The following CSMD3 variants were observed in gnomAD, a reference collection of about 807,000 sequenced individuals.
CSMD3 encodes the protein CUB and Sushi multiple domains 3.
In CSMD3, 177 loss-of-function variants were observed where a neutral mutation model predicts 435.2. The ratio of observed to expected loss-of-function variants is 0.41; its 90% CI spans 0.36 to 0.46. The LOEUF is 0.46. Among genes scored for constraint, CSMD3 ranks in the 20% least tolerant of loss-of-function variants. The pLI, the probability that CSMD3 is intolerant of heterozygous loss-of-function variation, is 0.34. For synonymous variants in CSMD3, 1,656 were observed against 1,520.5 expected (o/e 1.09, Z -2.07); for missense variants, 4,265 against 4,504.6 (o/e 0.95, Z 1.52).
chr8:113,182,392 G>T (rs1163700004), intron 3 of CSMD3, among the ~76,000 whole-genome samples: 3 of 151,832 alleles, frequency 2.0e-5, no homozygotes, highest in African/African-American at 4.8e-5. Context: ...TAATACGTTG[G>T]TCTGAATAGG....
intron 1 of CSMD3, among the ~76,000 whole-genome samples, chr8:113,363,198 T>C (rs1167459892): frequency 6.6e-6 from 1 of 152,180 alleles, no homozygotes; most frequent in Non-Finnish European, 1.5e-5. Flanking sequence ...TCACAACTCC[T>C]GAAGTTCATA....
intron 27 of CSMD3, chr8:112,539,255 A>G (rs1027083638): frequency 6.6e-6 from 1 of 152,642 alleles, no homozygotes; most frequent in Non-Finnish European, 1.5e-5. Flanking sequence ...CATACTGGCT[A>G]TCATTAATCC....
intron 13 of CSMD3, among the ~76,000 whole-genome samples, chr8:112,778,955 T>A (rs902134468): frequency 6.6e-6 from 1 of 152,012 alleles, no homozygotes; most frequent in African/African-American, 2.4e-5. Flanking sequence ...TTTTCATATG[T>A]TTAATTGCCA....
At chr8:112,452,159 T>C (rs1015333605) in intron 32 of CSMD3, among the ~76,000 whole-genome samples, 8 of 152,200 alleles carry the variant, frequency 5.3e-5, no homozygotes, top group African/African-American at 1.9e-4. Context: ...GTTTAAATCT[T>C]AGCAAACTAC....
intron 4 of CSMD3, among the ~76,000 whole-genome samples, chr8:113,152,336 T>C (rs17606370): frequency 0.34 from 52,079 of 151,868 alleles, 9,835 homozygotes; most frequent in East Asian, 0.69. Context: ...TTCACGAAGA[T>C]ACGTAAAAAT....
intron 4 of CSMD3, among the ~76,000 whole-genome samples, chr8:113,135,390 C>T (rs2091392069): frequency 6.6e-6 from 1 of 151,754 alleles, no homozygotes; most frequent in Admixed American, 6.6e-5. Context: ...CCAGTTGTTC[C>T]TTTAGCCTAA....
rs367665729 is a variant in CSMD3, at chr8:113,073,602, TTC to T, written c.917+25152_917+25153del. ...TGCCATGATTAGTAAAATCCTGTGT[TTC>T]TGACTACAATGTGTCTCATGCTTTC... is the stretch of plus-strand genomic sequence containing the variant. On this transcript the variant is annotated intron_variant, in intron 5 of 70. Coordinates refer to ENST00000297405, the MANE Select transcript of CSMD3 (RefSeq NM_198123.2). Among the ~76,000 whole-genome samples the T allele has an allele frequency of 3.6e-3, 541 of 151,986 alleles. 3 individuals are homozygous for T. The highest frequency in any genetic ancestry group is 0.012 in the African/African-American group (505 of 41,542).
intron 10 of CSMD3, among the ~76,000 whole-genome samples, chr8:112,862,272 T>C (rs1196060298): frequency 6.6e-6 from 1 of 152,066 alleles, no homozygotes; most frequent in Non-Finnish European, 1.5e-5. Flanking sequence ...TGCATATTTC[T>C]TGTTTTCTTA....
chr8:113,115,688 TA>T (rs2090802717), intron 4 of CSMD3, among the ~76,000 whole-genome samples: 1 of 152,226 alleles, frequency 6.6e-6, no homozygotes, highest in South Asian at 2.1e-4. Context: ...GTATTATCTC[TA>T]GTGAAACTTT....
intron 32 of CSMD3, among the ~76,000 whole-genome samples, chr8:112,462,078 C>A (rs1352086039): frequency 6.6e-6 from 1 of 151,964 alleles, no homozygotes; most frequent in East Asian, 1.9e-4. Flanking sequence ...CAATTAGAGG[C>A]AAACGACTGC....
intron 2 of CSMD3, among the ~76,000 whole-genome samples, chr8:113,291,590 C>A (rs1474159492): frequency 6.6e-6 from 1 of 151,798 alleles, no homozygotes; most frequent in African/African-American, 2.4e-5. Flanking sequence ...CCTTTGAGAG[C>A]ATCTCGTTTT....
chr8:112,749,751 C>T (rs1187873644), intron 13 of CSMD3, among the ~76,000 whole-genome samples: 1 of 151,994 alleles, frequency 6.6e-6, no homozygotes, highest in Admixed American at 6.6e-5. Flanking sequence ...TTTTATGCTC[C>T]CTTGGTTTGA....
intron 35 of CSMD3, among the ~76,000 whole-genome samples, chr8:112,395,929 A>G (rs1284727443): frequency 6.6e-6 from 1 of 152,158 alleles, no homozygotes; most frequent in African/African-American, 2.4e-5. Context: ...ATTGTAATTA[A>G]GAAAGGCTTG....
chr8:112,698,998 C>A (rs992944576), intron 13 of CSMD3, among the ~76,000 whole-genome samples: 1 of 152,118 alleles, frequency 6.6e-6, no homozygotes, highest in Non-Finnish European at 1.5e-5. Context: ...AAAAACGGAC[C>A]AATCAGCACT....
At chr8:113,125,631 G>C (rs1030219351) in intron 4 of CSMD3, among the ~76,000 whole-genome samples, 4 of 151,940 alleles carry the variant, frequency 2.6e-5, no homozygotes, top group African/African-American at 9.7e-5. Flanking sequence ...TAGTAAAGAA[G>C]AGTGGGAAGG....
At chr8:112,482,246 T>C (rs1217539660) in intron 31 of CSMD3, among the ~76,000 whole-genome samples, 1 of 152,208 alleles carries the variant, frequency 6.6e-6, no homozygotes. Context: ...CAAAGTCCTA[T>C]GAACAGCTAT....
intron 6 of CSMD3, among the ~76,000 whole-genome samples, chr8:112,998,872 A>T (rs2085754789): frequency 6.6e-6 from 1 of 151,874 alleles, no homozygotes; most frequent in African/African-American, 2.4e-5. Flanking sequence ...TGCTCTGGCC[A>T]TGTAAGACAC....
chr8:112,929,831 A>C (rs2130698845), intron 9 of CSMD3, among the ~76,000 whole-genome samples: 1 of 152,234 alleles, frequency 6.6e-6, no homozygotes, highest in South Asian at 2.1e-4. Context: ...GGCAAAATAT[A>C]ATCTAATTAA....
intron 22 of CSMD3, among the ~76,000 whole-genome samples, chr8:112,596,973 A>G (rs986639048): frequency 1.2e-4 from 19 of 152,288 alleles, no homozygotes; most frequent in African/African-American, 3.1e-4. Flanking sequence ...AAGCAAGAGC[A>G]AACACATTCA....
Sources: allele counts gnomAD v4.1 joint callset (sites outside exome capture counted in the v4.1 genomes callset), GRCh38; gene constraint gnomAD v4.1.1; transcripts MANE v1.5; gene names NCBI Gene and HGNC (gene_info 2026-07-23, HGNC 2026-07-21).